The following ADAMTSL1 variants were observed in gnomAD, a reference collection of about 807,000 sequenced individuals.
ADAMTSL1 encodes ADAMTS like 1, also known as ADAMTS-like protein 1.
In ADAMTSL1, 126 loss-of-function variants were observed where a neutral mutation model predicts 201.8. The ratio of observed to expected loss-of-function variants is 0.62; its 90% CI spans 0.54 to 0.72. The LOEUF is 0.72. ADAMTSL1 is among the 30% of genes least tolerant of loss of function. The pLI is 0.00. For missense variants in ADAMTSL1, 2,679 were observed against 2,277.8 expected, an observed-to-expected ratio of 1.18 and a Z score of -3.59; for synonymous variants, 1,121 against 903.4, an observed-to-expected ratio of 1.24 and a Z score of -4.32.
chr9:18,619,308 AAAGT>A (rs772453565), intron 4 of ADAMTSL1, among the ~76,000 whole-genome samples: 1 of 152,192 alleles, frequency 6.6e-6, no homozygotes, highest in Non-Finnish European at 1.5e-5. Context: ...CACTTGGACC[AAAGT>A]AAGAACATTT....
chr9:17,995,321 G>A (rs1033864764), intron 1 of ADAMTSL1, among the ~76,000 whole-genome samples: 1 of 152,094 alleles, frequency 6.6e-6, no homozygotes, highest in Admixed American at 6.6e-5. Flanking sequence ...ATGGGGATTA[G>A]GGAGGTATTC....
At chr9:18,110,312 T>C (rs941696432) in intron 1 of ADAMTSL1, among the ~76,000 whole-genome samples, 2 of 152,186 alleles carry the variant, frequency 1.3e-5, no homozygotes, top group African/African-American at 4.8e-5. Context: ...CTTCAATTCA[T>C]GTTGCTTCCT....
At chr9:18,888,153 C>G (rs532737005) in intron 24 of ADAMTSL1, 110 bp downstream of exon 24, 1 of 1,149,940 alleles carries the variant, frequency 8.7e-7, no homozygotes, top group East Asian at 2.6e-5. Flanking sequence ...GTACTCAAGG[C>G]ATGAAAACCA....
At chr9:18,042,785 T>C (rs1180072750) in intron 1 of ADAMTSL1, among the ~76,000 whole-genome samples, 1 of 152,154 alleles carries the variant, frequency 6.6e-6, no homozygotes, top group Admixed American at 6.6e-5. Flanking sequence ...CAAGAAGGTA[T>C]ACTCAAAAGT....
chr9:18,197,353 C>G (rs968495464), intron 2 of ADAMTSL1, among the ~76,000 whole-genome samples: 1 of 150,342 alleles, frequency 6.7e-6, no homozygotes, highest in Non-Finnish European at 1.5e-5. Flanking sequence ...CTTTTATTTC[C>G]TTGAGCAGTG....
At chr9:17,957,809 G>T (rs1024113763) in intron 1 of ADAMTSL1, among the ~76,000 whole-genome samples, 9 of 152,122 alleles carry the variant, frequency 5.9e-5, no homozygotes, top group Non-Finnish European at 1.3e-4. Context: ...TTGGAATGAG[G>T]TAGCTACAAG....
chr9:18,413,095 T>TA (rs1426876483), intron 2 of ADAMTSL1, among the ~76,000 whole-genome samples: 1 of 152,100 alleles, frequency 6.6e-6, no homozygotes. Flanking sequence ...AGAGAAGAAT[T>TA]ACCTGTTTCT....
chr9:18,640,650 C>A (rs932576780), intron 7 of ADAMTSL1, among the ~76,000 whole-genome samples: 2 of 151,984 alleles, frequency 1.3e-5, no homozygotes, highest in Admixed American at 1.3e-4. Flanking sequence ...CCTGCTTTAT[C>A]ATCTTTATTT....
intron 2 of ADAMTSL1, among the ~76,000 whole-genome samples, chr9:18,296,640 A>C (rs1279582272): frequency 6.6e-6 from 1 of 152,216 alleles, no homozygotes; most frequent in Non-Finnish European, 1.5e-5. Context: ...AATGAGTTAC[A>C]TACAGATATT....
chr9:18,104,473 C>A (rs531638988), intron 1 of ADAMTSL1, among the ~76,000 whole-genome samples: 2 of 152,250 alleles, frequency 1.3e-5, no homozygotes, highest in South Asian at 4.1e-4. Flanking sequence ...AGCTTCCAGT[C>A]ACCACCAGTG....
chr9:18,817,815 G>A (rs989780162), intron 21 of ADAMTSL1, among the ~76,000 whole-genome samples: 15 of 152,192 alleles, frequency 9.9e-5, no homozygotes, highest in African/African-American at 3.1e-4. Flanking sequence ...GGAAGGTAAC[G>A]ACTGGATGGA....
chr9:18,013,843 G>A (rs1820150137), intron 1 of ADAMTSL1, among the ~76,000 whole-genome samples: 2 of 151,900 alleles, frequency 1.3e-5, no homozygotes, highest in African/African-American at 4.8e-5. Flanking sequence ...AGTTGAACAT[G>A]GGGTTATTAA....
At chr9:18,120,357 A>C (rs1414790751) in intron 1 of ADAMTSL1, among the ~76,000 whole-genome samples, 2 of 152,210 alleles carry the variant, frequency 1.3e-5, no homozygotes, top group Non-Finnish European at 2.9e-5. Context: ...GAAGTGGCAC[A>C]GCATCTGTTT....
At chr9:17,939,834 T>G (rs1186438613) in intron 1 of ADAMTSL1, among the ~76,000 whole-genome samples, 1 of 152,146 alleles carries the variant, frequency 6.6e-6, no homozygotes, top group Non-Finnish European at 1.5e-5. Flanking sequence ...AGAGTATATC[T>G]ACTATGATGA....
At chr9:18,070,998 C>T (rs1190925463) in intron 1 of ADAMTSL1, among the ~76,000 whole-genome samples, 1 of 152,076 alleles carries the variant, frequency 6.6e-6, no homozygotes, top group Non-Finnish European at 1.5e-5. Flanking sequence ...CAGGGCTAGA[C>T]AGGACTAGAA....
chr9:18,169,712 G>T (rs1281684666), intron 2 of ADAMTSL1, among the ~76,000 whole-genome samples: 2 of 152,022 alleles, frequency 1.3e-5, no homozygotes, highest in African/African-American at 4.8e-5. Context: ...AAATTACCTT[G>T]GGCAGTATGG....
At chr9:18,394,209 T>C (rs908206302) in intron 2 of ADAMTSL1, among the ~76,000 whole-genome samples, 2 of 152,186 alleles carry the variant, frequency 1.3e-5, no homozygotes, top group African/African-American at 4.8e-5. Context: ...GAATAGGCCA[T>C]TGACCAATAA....
intron 3 of ADAMTSL1, among the ~76,000 whole-genome samples, chr9:18,563,625 C>T (rs752251889): frequency 9.8e-4 from 150 of 152,352 alleles, no homozygotes; most frequent in South Asian, 2.3e-3. Flanking sequence ...CTCCCCTTCA[C>T]CCAGGTGCTC....
chr9:18,880,941 C>A (rs530535292), intron 23 of ADAMTSL1, among the ~76,000 whole-genome samples: 3 of 152,314 alleles, frequency 2.0e-5, no homozygotes, highest in African/African-American at 7.2e-5. Context: ...CTTTAACTTG[C>A]ACTTTTATGT....
Sources: allele counts gnomAD v4.1 joint callset (sites outside exome capture counted in the v4.1 genomes callset), GRCh38; gene constraint gnomAD v4.1.1; transcripts MANE v1.5; gene names NCBI Gene and HGNC (gene_info 2026-07-23, HGNC 2026-07-21).